The following CHD5 variants were observed in gnomAD, a reference collection of about 807,000 sequenced individuals.
CHD5 encodes chromodomain helicase DNA binding protein 5, also known as ATP-dependent chromatin remodeler CHD5.
In CHD5, 69 loss-of-function variants were observed where a neutral mutation model predicts 230.3. The ratio of observed to expected loss-of-function variants is 0.30; its 90% CI spans 0.25 to 0.37. The LOEUF (loss-of-function observed/expected upper bound fraction) is 0.37. Among genes scored for constraint, CHD5 ranks in the 10% least tolerant of loss-of-function variants. CHD5 has a pLI of 1.00. For missense variants in CHD5, 1,827 were observed against 2,622.8 expected (o/e 0.70, Z 6.63); for synonymous variants, 1,064 against 1,065.9 (o/e 1.00, Z 0.03).
intron 20 of CHD5, among the ~76,000 whole-genome samples, chr1:6,132,822 T>C (rs1472279565): frequency 6.6e-6 from 1 of 152,154 alleles, no homozygotes; most frequent in East Asian, 1.9e-4. Context: ...AATTACTCCA[T>C]CATTTTTGAG....
intron 39 of CHD5, 37 bp from the exon 40 acceptor site, chr1:6,106,546 G>GC: frequency 1.3e-6 from 2 of 1,550,262 alleles, no homozygotes; most frequent in Non-Finnish European, 1.7e-6. Flanking sequence ...GTGGTCTCAG[G>GC]CCCCCCACCC....
At chr1:6,148,823 G>A (rs1041674300) in intron 9 of CHD5, 31 bp downstream of exon 9, 3 of 1,462,704 alleles carry the variant, frequency 2.1e-6, no homozygotes, top group Non-Finnish European at 2.7e-6. Flanking sequence ...GTGGGGCGGG[G>A]CGTCCGGCGC....
rs765195436 is a variant in CHD5, at chr1:6,135,322, C to T, written c.2778G>A (p.Pro926=). Residue 926 remains proline (P), a synonymous_variant, in exon 18 of 42, where the codon CCG becomes CCA. Transcript: ENST00000262450. ...QIKKLHDLLG[P]HMLRRLKADV... The stretch of plus-strand genomic sequence containing the variant: ...CAGCCTTGAGCCGCCTGAGCATGTG[C>T]GGCCCCAGCAGGTCATGCAGCTTCT... 25 of 1,614,038 alleles carry T rather than the reference C, an allele frequency of 1.5e-5. No homozygotes were observed. The highest frequency in any genetic ancestry group is 1.9e-5 in the Non-Finnish European group (23 of 1,180,046).
intron 37 of CHD5, 33 bp from the exon 38 acceptor site, chr1:6,110,023 T>C: frequency 6.8e-7 from 1 of 1,479,568 alleles, no homozygotes; most frequent in Non-Finnish European, 9.0e-7. Flanking sequence ...GCCCGGCCCC[T>C]CCCGCTGAAT....
intron 2 of CHD5, among the ~76,000 whole-genome samples, chr1:6,162,667 C>T (rs899590862): frequency 6.6e-6 from 1 of 152,164 alleles, no homozygotes. Flanking sequence ...CCAGAAAATG[C>T]CCAAACAACC....
chr1:6,111,955 G>A (rs1247111960), intron 35 of CHD5, 72 bp from the exon 36 acceptor site: 10 of 1,453,540 alleles, frequency 6.9e-6, no homozygotes, highest in African/African-American at 2.8e-5. Flanking sequence ...TTGGAGAGCC[G>A]CTCCCTCCCT....
In CHD5 at chr1:6,121,208, C is replaced by T. The variant is rs757098291; in HGVS notation, c.4809G>A (p.Glu1603=). 1 of 1,613,872 alleles carries T rather than the reference C, an allele frequency of 6.2e-7. No homozygotes were observed. Among genetic ancestry groups the T allele is most frequent in the Non-Finnish European group, 8.5e-7 (1 of 1,179,906 alleles). ...QALPAALDRV[E]SEDKHESPAS... ...CTGGGCTCTCGTGCTTGTCCTCACT[C>T]TCCACTCTATCCAAGGCGGCTGGAA... Residue 1603 remains glutamate (E), a synonymous_variant, in exon 33 of 42, where the codon GAG becomes GAA. Transcript: ENST00000262450. This position sits in a 1 kb window ranked among gnomAD's most constrained non-coding sequence, Gnocchi z 4.5.
In CHD5 at chr1:6,129,580, G is replaced by A. The variant is rs141068585; in HGVS notation, c.3388-511C>T. Among the ~76,000 whole-genome samples, 539 of 152,314 alleles carry A rather than the reference G, an allele frequency of 3.5e-3. 1 individual carries two copies. The highest frequency in any genetic ancestry group is 0.012 in the African/African-American group (513 of 41,562). On this transcript the variant is annotated intron_variant, in intron 22 of 41. Transcript: ENST00000262450. The surrounding 1 kb of genome is among the most constrained non-coding windows in gnomAD (Gnocchi z 6.8). The stretch of plus-strand genomic sequence containing the variant: ...TACATGAGGTGACCTGGGTGTGGCC[G>A]TGTATATCTGTGTATGTGCATGGGC...
Position 6,152,686 on chromosome 1 carries a change from G to A in CHD5, c.746-150C>T, listed in dbSNP as rs532783205. 21 of 1,339,958 alleles carry A rather than the reference G, an allele frequency of 1.6e-5. No homozygotes were observed. The South Asian group carries it at 2.1e-4, about 13-fold the overall frequency. The allele number at this position is 1,339,958 out of a possible 1,614,324, so 83.0% of individuals were successfully genotyped here. ...GATGAGATGCCTGAGGCTTGGAGAGGTAAACCCCTTGCTTAAAATCACACA... is the reference window on the plus strand; with the variant it reads ...GATGAGATGCCTGAGGCTTGGAGAGATAAACCCCTTGCTTAAAATCACACA... On this transcript the variant is annotated intron_variant, in intron 5 of 41. Transcript: ENST00000262450.
At chr1:6,123,449 G>C (rs1317762263) in intron 31 of CHD5, among the ~76,000 whole-genome samples, 1 of 150,104 alleles carries the variant, frequency 6.7e-6, no homozygotes, top group Non-Finnish European at 1.5e-5. Flanking sequence ...TTTTTGAGAT[G>C]GAGTCTTGCT....
rs1483342274 is a variant in CHD5 at position 6,149,009 on chromosome 1, C to T, written c.1228G>A (p.Glu410Lys). 1 of 1,606,304 alleles carries T rather than the reference C, an allele frequency of 6.2e-7. No homozygotes were observed. Among genetic ancestry groups the T allele is most frequent in the East Asian group, 2.3e-5 (1 of 44,442 alleles). ...AACTCCATGTGGTCGTCCTCCTCCT[C>T]CTCGCAGCCGCCCTCCTCCTCTTCA... ...DDEEEEGGCE[E>K]EEDDHMEFCR... Residue 410 changes from glutamate (E) to lysine (K), a missense_variant, in exon 9 of 42, where the codon GAG becomes AAG. Glu to Lys is a moderately conservative substitution (Grantham distance 56). Transcript: ENST00000262450.
chr1:6,148,731 A>G (rs1291529068), intron 9 of CHD5, 123 bp downstream of exon 9: 1 of 690,430 alleles, frequency 1.4e-6, no homozygotes, highest in South Asian at 2.7e-5. Flanking sequence ...GGGATCGGCT[A>G]CCGAGGCGGG....
intron 33 of CHD5, among the ~76,000 whole-genome samples, chr1:6,119,178 G>T (rs1033935199): frequency 2.0e-5 from 3 of 150,244 alleles, no homozygotes; most frequent in African/African-American, 7.4e-5. Flanking sequence ...ACGGAATCTC[G>T]CTCTGTCACC....
chr1:6,150,023 GGAT>G (rs1666977455), intron 7 of CHD5, among the ~76,000 whole-genome samples: 1 of 150,946 alleles, frequency 6.6e-6, no homozygotes, highest in East Asian at 2.0e-4. Flanking sequence ...ATGGATGGAT[GGAT>G]GGATGGGCAA....
chr1:6,139,573 T>C (rs558189114), intron 15 of CHD5, among the ~76,000 whole-genome samples: 70 of 150,608 alleles, frequency 4.6e-4, no homozygotes, highest in African/African-American at 1.5e-3. Context: ...AGAGTCTCAT[T>C]ATGTTGCCCA....
In CHD5 at chr1:6,121,622, G is replaced by C. The variant is rs113015577; in HGVS notation, c.4700-49C>G. 2.1e-6 allele frequency: 3 copies of C among 1,431,086 alleles called. No individual in the cohort carries two copies. The allele number at this position is 1,431,086 out of a possible 1,614,324, so 88.6% of individuals were successfully genotyped here. A position where few individuals can be genotyped will look rare whatever the true frequency, so the allele number is the denominator to read the frequency against. On this transcript the variant is annotated intron_variant, in intron 31 of 41. Transcript: ENST00000262450. The surrounding 1 kb of genome is among the most constrained non-coding windows in gnomAD (Gnocchi z 4.5). ...GAGACAGGTGGGCTCAGACGGGAAG[G>C]AGTAGGGCAGGGAGTGGGGTGGCAG...
chr1:6,159,956 C>T (rs1667140977), intron 2 of CHD5, among the ~76,000 whole-genome samples: 1 of 151,846 alleles, frequency 6.6e-6, no homozygotes, highest in Admixed American at 6.6e-5. Context: ...GGATGTGGTC[C>T]CAGAGTCAAA....
Position 6,111,192 on chromosome 1 carries a change from T to G in CHD5, c.5249+583A>C, listed in dbSNP as rs1475616927. Among the ~76,000 whole-genome samples the G allele has an allele frequency of 2.0e-5, 3 of 147,792 alleles. No individual in the cohort carries two copies. The Admixed American group carries it at 2.0e-4, about 10-fold the overall frequency. On this transcript the variant is annotated intron_variant, in intron 36 of 41. Coordinates refer to ENST00000262450, the MANE Select transcript of CHD5 (RefSeq NM_015557.3). ...TTGCAGTGAGCTGAGATCGCACCAC[T>G]GCACTTCAGCCTAGGCCACAGAGCG...
intron 35 of CHD5, 30 bp downstream of exon 35, chr1:6,112,110 A>T (rs1666300950): frequency 6.2e-7 from 1 of 1,608,052 alleles, no homozygotes; most frequent in Non-Finnish European, 8.5e-7. Context: ...AGGAAGCCTC[A>T]GCTCTCTGCC....
Sources: allele counts gnomAD v4.1 joint callset (sites outside exome capture counted in the v4.1 genomes callset), GRCh38; gene constraint gnomAD v4.1.1; non-coding constraint Gnocchi (gnomAD v3.1); transcripts MANE v1.5; gene names NCBI Gene and HGNC (gene_info 2026-07-23, HGNC 2026-07-21).